The following FBXO10 variants were observed in gnomAD, a reference collection of about 807,000 sequenced individuals.
The protein encoded by FBXO10 is F-box protein 10, also known as F-box only protein 10.
A neutral mutation model predicts 80.7 loss-of-function variants in FBXO10; 39 were observed. That is an observed-to-expected ratio of 0.48 (90% CI 0.37 to 0.63). The LOEUF (loss-of-function observed/expected upper bound fraction) is 0.63. FBXO10 is among the 30% of genes least tolerant of loss of function. The probability of loss-of-function intolerance (pLI) is 0.00; values close to 1 mark genes in which losing one functional copy is unlikely to be tolerated. For synonymous variants in FBXO10, 449 were observed against 489.6 expected (o/e 0.92, Z 1.09); for missense variants, 1,025 against 1,269.0 (o/e 0.81, Z 2.92).
intron 7 of FBXO10, among the ~76,000 whole-genome samples, chr9:37,522,053 CCA>C (rs1335015460): frequency 6.6e-6 from 1 of 152,208 alleles, no homozygotes; most frequent in Non-Finnish European, 1.5e-5. Flanking sequence ...TCGGCTCGTT[CCA>C]CACAGTGTGA....
intron 1 of FBXO10, among the ~76,000 whole-genome samples, chr9:37,547,230 A>C (rs148671610): frequency 6.6e-6 from 1 of 152,256 alleles, no homozygotes; most frequent in South Asian, 2.1e-4. Context: ...TGTACAATAG[A>C]GTACTATTCA....
rs1348869819 is a variant in FBXO10 at position 37,529,140 on chromosome 9, C to T, written c.1690G>A (p.Gly564Arg). 3.1e-6 allele frequency: 5 copies of T among 1,613,928 alleles called. No homozygotes were observed. The highest frequency in any genetic ancestry group is 3.4e-6 in the Non-Finnish European group (4 of 1,179,878). Residue 564 changes from glycine (G) to arginine (R), a missense_variant, in exon 5 of 11, where the codon GGA (glycine) becomes AGA (arginine). Transcript: ENST00000432825. Reference protein sequence around the residue: ...KEAGIYILYHGNPVVSGNHIF... With the variant: ...KEAGIYILYHRNPVVSGNHIF... Reference sequence around the variant, plus strand: ...AGCACACACCTCACAACGGGGTTTCCGTGGTACAGGATGTAAATGCCAGCC... The same window carrying T: ...AGCACACACCTCACAACGGGGTTTCTGTGGTACAGGATGTAAATGCCAGCC...
At chr9:37,542,688 G>A (rs1367323488) in intron 1 of FBXO10, among the ~76,000 whole-genome samples, 1 of 151,828 alleles carries the variant, frequency 6.6e-6, no homozygotes, top group Non-Finnish European at 1.5e-5. Flanking sequence ...ACAGAAAGAT[G>A]ACCTTTAAAA....
intron 3 of FBXO10, among the ~76,000 whole-genome samples, chr9:37,533,598 T>C (rs1821682096): frequency 6.6e-6 from 1 of 150,534 alleles, no homozygotes; most frequent in Non-Finnish European, 1.5e-5. Context: ...AGGCTGGACG[T>C]GTTGGCTCAT....
At chr9:37,534,749 GC>G (rs1338103862) in intron 3 of FBXO10, among the ~76,000 whole-genome samples, 1 of 152,178 alleles carries the variant, frequency 6.6e-6, no homozygotes, top group Non-Finnish European at 1.5e-5. Context: ...GAGGCATTAA[GC>G]CCCTCTCCTG....
At chr9:37,538,060 C>A in intron 2 of FBXO10, 117 bp from the exon 3 acceptor site, 2 of 762,056 alleles carry the variant, frequency 2.6e-6, no homozygotes, top group Non-Finnish European at 2.2e-6. Context: ...ATCATCTTCC[C>A]CTCCCCACTG....
chr9:37,537,822 T>C lies in FBXO10; in HGVS notation c.707A>G (p.His236Arg). The C allele has an allele frequency of 7.4e-6, 12 of 1,613,966 alleles. No homozygotes were observed. Among genetic ancestry groups the C allele is most frequent in the Non-Finnish European group, 1.0e-5 (12 of 1,179,876 alleles). The change falls in exon 3 of 11, where the codon CAC becomes CGC. Residue 236 changes from histidine to arginine, a missense_variant. By Grantham distance (29) the His-to-Arg change is conservative (BLOSUM62 0). This residue lies in a region of FBXO10 where 450 missense variants were observed against 499.4 expected (regional missense o/e 0.90). Transcript: ENST00000432825. Reference sequence around the variant, plus strand: ...TTCCAGGACACACAGGGGCACGTTGTGCAGGAAGATATGGGTGTTTTTGAA... The same window carrying C: ...TTCCAGGACACACAGGGGCACGTTGCGCAGGAAGATATGGGTGTTTTTGAA... The part of the protein sequence containing the change: ...CTFKNTHIFL[H>R]NVPLCVLENC...
At chr9:37,527,449 C>T (rs866261291) in intron 5 of FBXO10, among the ~76,000 whole-genome samples, 4 of 152,216 alleles carry the variant, frequency 2.6e-5, no homozygotes, top group Admixed American at 6.5e-5. Flanking sequence ...AAACACACCA[C>T]ATTTCTCACC....
intron 3 of FBXO10, among the ~76,000 whole-genome samples, chr9:37,535,510 CCTGG>C (rs1821738746): frequency 6.6e-6 from 1 of 152,044 alleles, no homozygotes; most frequent in Non-Finnish European, 1.5e-5. Flanking sequence ...CGCTGCCATG[CCTGG>C]CTATTTTTTT....
intron 1 of FBXO10, among the ~76,000 whole-genome samples, chr9:37,562,460 G>A (rs138616155): frequency 5.5e-4 from 84 of 152,278 alleles, no homozygotes; most frequent in African/African-American, 1.7e-3. Context: ...GACCCAGAGC[G>A]CCAGGTGACA....
intron 1 of FBXO10, among the ~76,000 whole-genome samples, chr9:37,569,881 G>A (rs1822704013): frequency 6.6e-6 from 1 of 152,158 alleles, no homozygotes; most frequent in Non-Finnish European, 1.5e-5. Context: ...ACTGACCACA[G>A]TCATAATTAG....
At chr9:37,528,982 G>C (rs970746547) in intron 5 of FBXO10, 142 bp downstream of exon 5, 1 of 1,119,658 alleles carries the variant, frequency 8.9e-7, no homozygotes, top group African/African-American at 1.6e-5. Flanking sequence ...CACAAAAGCC[G>C]CTGTGTTACT....
At chr9:37,535,447 GT>G (rs1369466176) in intron 3 of FBXO10, among the ~76,000 whole-genome samples, 1 of 152,080 alleles carries the variant, frequency 6.6e-6, no homozygotes, top group Admixed American at 6.6e-5. Context: ...CACCTCCCGG[GT>G]TCAAGCAATT....
At chr9:37,559,923 C>T (rs1010560839) in intron 1 of FBXO10, among the ~76,000 whole-genome samples, 2 of 152,186 alleles carry the variant, frequency 1.3e-5, no homozygotes, top group Admixed American at 1.3e-4. Flanking sequence ...TTGTTTGTTA[C>T]CATAGCAGAG....
intron 4 of FBXO10, among the ~76,000 whole-genome samples, chr9:37,530,777 C>T (rs11788530): frequency 3.5e-4 from 53 of 152,092 alleles, no homozygotes; most frequent in Non-Finnish European, 5.1e-4. Context: ...GTATCTGGGA[C>T]GACAGGTGTG....
In FBXO10 at chr9:37,544,250, C is replaced by T. The variant is rs1185750887; in HGVS notation, c.-6-2476G>A. Among the ~76,000 whole-genome samples, 4 of 152,256 alleles carry T rather than the reference C, an allele frequency of 2.6e-5. No homozygotes were observed. In the South Asian group the frequency reaches 6.2e-4, roughly 24 times the overall value. ...TGCCACTATACTCCAGCCTGGGCAA[C>T]AGAGCGGGACTCTGTCTCAAAACAA... On this transcript the variant is annotated intron_variant, in intron 1 of 10. Transcript: ENST00000432825.
At chr9:37,542,201 A>G (rs1821937869) in intron 1 of FBXO10, among the ~76,000 whole-genome samples, 1 of 152,206 alleles carries the variant, frequency 6.6e-6, no homozygotes, top group South Asian at 2.1e-4. Context: ...AGGCTCAGCC[A>G]GTCAGAGGAC....
intron 1 of FBXO10, among the ~76,000 whole-genome samples, chr9:37,574,370 T>G (rs1342492677): frequency 6.6e-6 from 1 of 152,188 alleles, no homozygotes; most frequent in Non-Finnish European, 1.5e-5. Context: ...GGTGACTGCT[T>G]GAGCATTTAT....
At chr9:37,550,372 A>C (rs1478356160) in intron 1 of FBXO10, among the ~76,000 whole-genome samples, 4 of 150,328 alleles carry the variant, frequency 2.7e-5, no homozygotes, top group Non-Finnish European at 5.9e-5. Flanking sequence ...TAGTAGGGAG[A>C]TGGGGTTTCA....
Sources: gnomAD v4.1 joint callset for allele counts (sites outside exome capture counted in the v4.1 genomes callset) on GRCh38, gnomAD v4.1.1 for gene constraint, gnomAD v4.1.1 regional missense constraint, MANE v1.5 for transcripts, NCBI Gene and HGNC (gene_info 2026-07-23, HGNC 2026-07-21) for gene names.